Variants in WHRN observed in about 807,000 individuals in gnomAD.
WHRN encodes the protein whirlin.
WHRN carries 41 observed loss-of-function variants against 68.3 expected under a neutral mutation model. That is an observed-to-expected ratio of 0.60 (90% CI 0.47 to 0.78). The LOEUF (loss-of-function observed/expected upper bound fraction) is 0.78. WHRN is among the 30% of genes least tolerant of loss of function. WHRN has a pLI of 0.00. For synonymous variants in WHRN, 560 were observed against 561.3 expected (o/e 1.00, Z 0.03); for missense variants, 1,243 against 1,244.7 (o/e 1.00, Z 0.02).
chr9:114,496,405 G>A (rs954463083), intron 1 of WHRN, among the ~76,000 whole-genome samples: 2 of 152,184 alleles, frequency 1.3e-5, no homozygotes, highest in African/African-American at 4.8e-5. Flanking sequence ...CGTTTTTAAA[G>A]AAACTCTGTC....
chr9:114,425,801 C>G, intron 4 of WHRN: 2 of 306,038 alleles, frequency 6.5e-6, no homozygotes, highest in Non-Finnish European at 1.3e-5. Flanking sequence ...CCCTCTCACC[C>G]AGATTTCTTC....
At chr9:114,413,397 T>C (rs1429811100) in intron 7 of WHRN, among the ~76,000 whole-genome samples, 2 of 151,564 alleles carry the variant, frequency 1.3e-5, no homozygotes, top group Non-Finnish European at 2.9e-5. Flanking sequence ...GGTAGGGAGA[T>C]GGAGGGACAG....
intron 1 of WHRN, among the ~76,000 whole-genome samples, chr9:114,497,196 A>G (rs1161578982): frequency 6.6e-6 from 1 of 152,194 alleles, no homozygotes; most frequent in African/African-American, 2.4e-5. Context: ...GGACCTGTTT[A>G]TGGAAGGCTG....
At position 114,406,530 on chromosome 9, in the gene WHRN, C is replaced by G. The variant is rs142268865; in HGVS notation, c.2061G>C (p.Pro687=). 1 of 1,613,608 alleles carries G rather than the reference C, an allele frequency of 6.2e-7. No individual in the cohort carries two copies. Among genetic ancestry groups the G allele is most frequent in the East Asian group, 2.2e-5 (1 of 44,866 alleles). Residue 687 remains proline, a synonymous_variant, in exon 9 of 12, where the codon CCG becomes CCC. Transcript: ENST00000362057. The stretch of plus-strand genomic sequence containing the variant: ...CCTCTGCAGAGGGGCTTTTCAGGTG[C>G]GGGGGTGACTGGACCCGTGGGAAGG... The part of the protein sequence containing the change: ...IGPFPRVQSP[P]HLKSPSAEAT...
At chr9:114,455,065 G>A (rs10982224) in intron 3 of WHRN, among the ~76,000 whole-genome samples, 112 of 152,198 alleles carry the variant, frequency 7.4e-4, no homozygotes, top group Non-Finnish European at 1.4e-3. Context: ...ATAAATCATA[G>A]ACTAAAATGT....
chr9:114,418,791 A>G (rs1485951061), intron 7 of WHRN, among the ~76,000 whole-genome samples: 5 of 150,526 alleles, frequency 3.3e-5, no homozygotes, highest in Non-Finnish European at 1.5e-5. Context: ...TAACCACCCC[A>G]CCCCTCTCCA....
chr9:114,449,788 G>C (rs1178987447), intron 3 of WHRN, among the ~76,000 whole-genome samples: 3 of 152,162 alleles, frequency 2.0e-5, no homozygotes, highest in Non-Finnish European at 4.4e-5. Context: ...TGTAACTGCA[G>C]ATCAGTCTTG....
In WHRN at chr9:114,412,236, A is replaced by G. The variant is rs146876983; in HGVS notation, c.1627-4218T>C. On this transcript the variant is annotated intron_variant, in intron 7 of 11. Transcript: ENST00000362057. The stretch of plus-strand genomic sequence containing the variant: ...TTATGCATCTGAAATAGCTGCAGAC[A>G]GCCGGCTAAGAACCCGGGGGATGCA... Among the ~76,000 whole-genome samples the G allele has an allele frequency of 4.4e-3, 677 of 152,354 alleles. 1 individual carries two copies. The highest frequency in any genetic ancestry group is 6.0e-3 in the Non-Finnish European group (407 of 68,030).
chr9:114,425,395 A>G, intron 4 of WHRN: 1 of 563,558 alleles, frequency 1.8e-6, no homozygotes, highest in Non-Finnish European at 3.2e-6. Context: ...TGAACTGGAG[A>G]TCCCAGATGC....
At position 114,504,962 on chromosome 9, in the gene WHRN, CGCG is replaced by C. The variant is rs1319464054; in HGVS notation, c.-164_-162del. 2 of 1,067,854 alleles carry C rather than the reference CGCG, an allele frequency of 1.9e-6. No homozygotes were observed. The highest frequency in any genetic ancestry group is 2.4e-6 in the Non-Finnish European group (2 of 822,842). The allele number at this position is 1,067,854 out of a possible 1,614,324, so 66.1% of individuals were successfully genotyped here. ...GTACAGTGGCTGGATCCTAGGGGGT[CGCG>C]GAGACCGCTGCTAGAGTCCCGGAGG... On this transcript the variant is annotated 5_prime_UTR_variant, in exon 1 of 12. Transcript: ENST00000362057.
intron 3 of WHRN, among the ~76,000 whole-genome samples, chr9:114,462,781 C>T (rs559579149): frequency 2.0e-5 from 3 of 152,102 alleles, no homozygotes; most frequent in South Asian, 4.2e-4. Context: ...TATAAATTGG[C>T]GAGAAGAACA....
At chr9:114,434,051 C>A (rs1257734457) in intron 3 of WHRN, among the ~76,000 whole-genome samples, 4 of 152,220 alleles carry the variant, frequency 2.6e-5, no homozygotes. Context: ...GAGTCAAGGT[C>A]AAACCTGAGT....
chr9:114,456,735 A>C (rs1488612582), intron 3 of WHRN, among the ~76,000 whole-genome samples: 1 of 151,944 alleles, frequency 6.6e-6, no homozygotes, highest in East Asian at 1.9e-4. Context: ...AGGCTGAGGC[A>C]GGAGAATCGC....
Position 114,424,424 on chromosome 9 carries a change from C to A in WHRN, c.1326G>T (p.Met442Ile). ...CACGGTACTCATCCAGGTAGTAGGC[C>A]ATGGTGGCGTGTTCCTGCTCGTTCA... ...HLLNEQEHAT[M>I]AYYLDEYRGG... The change falls in exon 6 of 12, where the codon ATG becomes ATT. Residue 442 changes from methionine (M) to isoleucine (I), a missense_variant. By Grantham distance (10) the Met-to-Ile change is conservative. Coordinates refer to ENST00000362057, the MANE Select transcript of WHRN (RefSeq NM_015404.4). The A allele has an allele frequency of 6.2e-7, 1 of 1,613,434 alleles. No individual in the cohort carries two copies. The highest frequency in any genetic ancestry group is 8.5e-7 in the Non-Finnish European group (1 of 1,180,024).
At chr9:114,409,985 G>C (rs538202800) in intron 7 of WHRN, among the ~76,000 whole-genome samples, 3 of 152,162 alleles carry the variant, frequency 2.0e-5, no homozygotes, top group African/African-American at 4.8e-5. Context: ...CCTACTCATT[G>C]TGCCTACATG....
intron 2 of WHRN, among the ~76,000 whole-genome samples, chr9:114,473,269 C>T (rs571311611): frequency 6.6e-6 from 1 of 152,288 alleles, no homozygotes; most frequent in Non-Finnish European, 1.5e-5. Flanking sequence ...TGTTCCTGCC[C>T]GCATCATTCC....
intron 2 of WHRN, among the ~76,000 whole-genome samples, chr9:114,477,740 C>G (rs1273462208): frequency 1.3e-5 from 2 of 152,190 alleles, no homozygotes; most frequent in Non-Finnish European, 2.9e-5. Context: ...TGGGACTGCC[C>G]CTGTCCTTCC....
chr9:114,494,846 CA>C (rs1843308898), intron 1 of WHRN, among the ~76,000 whole-genome samples: 1 of 148,140 alleles, frequency 6.8e-6, no homozygotes, highest in African/African-American at 2.4e-5. Context: ...AGGTTATTAT[CA>C]TACAATGAGC....
At chr9:114,465,655 G>A (rs1271229749) in intron 3 of WHRN, among the ~76,000 whole-genome samples, 1 of 152,198 alleles carries the variant, frequency 6.6e-6, no homozygotes, top group South Asian at 2.1e-4. Flanking sequence ...CGTGCTAAGT[G>A]AGGGTTTTGA....
Sources: gnomAD v4.1 joint callset for allele counts (sites outside exome capture counted in the v4.1 genomes callset) on GRCh38, gnomAD v4.1.1 for gene constraint, MANE v1.5 for transcripts, NCBI Gene and HGNC (gene_info 2026-07-23, HGNC 2026-07-21) for gene names.